ARHGEF38: variants seen among roughly 807,000 people sequenced by gnomAD.
ARHGEF38 encodes the protein Rho guanine nucleotide exchange factor 38, also known as Rho guanine nucleotide exchange factor (GEF) 38.
In ARHGEF38, 79 loss-of-function variants were observed where a neutral mutation model predicts 79.9. The observed-to-expected ratio is 0.99, with a 90% confidence interval of 0.82 to 1.19. The LOEUF (loss-of-function observed/expected upper bound fraction) is 1.19, where lower values mean the gene tolerates loss of function less well. Among genes scored for constraint, ARHGEF38 ranks in the 50% most tolerant of loss-of-function variants. ARHGEF38 has a pLI of 0.00. For synonymous variants in ARHGEF38, 366 were observed against 328.3 expected (o/e 1.11, Z -1.24); for missense variants, 962 against 907.2 (o/e 1.06, Z -0.78).
rs568021001 is a variant in ARHGEF38, at chr4:105,562,948, G to A, written c.196+9987G>A. Reference sequence around the variant, plus strand: ...AACTCTGAGGGAAGTTCTGAAGACAGATGATTTTTTGGAGTTGTCTCCAGT... The same window carrying A: ...AACTCTGAGGGAAGTTCTGAAGACAAATGATTTTTTGGAGTTGTCTCCAGT... On this transcript the variant is annotated intron_variant, in intron 1 of 13. Coordinates refer to ENST00000420470, the MANE Select transcript of ARHGEF38 (RefSeq NM_001242729.2). Among the ~76,000 whole-genome samples the A allele has an allele frequency of 2.6e-5, 4 of 152,336 alleles. No homozygotes were observed. The East Asian group carries it at 5.8e-4, about 22-fold the overall frequency.
At chr4:105,659,033 G>T (rs912627423) in intron 9 of ARHGEF38, 21 bp from the exon 10 acceptor site, 88 of 1,517,778 alleles carry the variant, frequency 5.8e-5, no homozygotes, top group Non-Finnish European at 7.4e-5. Flanking sequence ...TCTGAAATGG[G>T]CTCATTTTTT....
chr4:105,565,525 T>C (rs1725844958), intron 1 of ARHGEF38, among the ~76,000 whole-genome samples: 1 of 151,326 alleles, frequency 6.6e-6, no homozygotes, highest in Admixed American at 6.6e-5. Flanking sequence ...TATCTGGGGG[T>C]TTCGTAATGA....
intron 2 of ARHGEF38, among the ~76,000 whole-genome samples, chr4:105,600,542 C>T (rs1175978961): frequency 6.6e-6 from 1 of 152,168 alleles, no homozygotes; most frequent in Admixed American, 6.5e-5. Context: ...TCTCTTTTGT[C>T]CACATTAGCT....
Position 105,658,953 on chromosome 4 carries a change from T to C in ARHGEF38, c.1234-101T>C. On this transcript the variant is annotated intron_variant, in intron 9 of 13. Transcript: ENST00000420470. ...GGGTAGGTGCTTTCCTGTTTTCTTT[T>C]GTGCTTCTCGTGGGGGAAAAGGTAA... 2.9e-6 allele frequency: 3 copies of C among 1,036,418 alleles called. No homozygotes were observed. The East Asian group carries it at 7.8e-5, about 27-fold the overall frequency. The allele number at this position is 1,036,418 out of a possible 1,614,324, so 64.2% of individuals were successfully genotyped here.
At chr4:105,653,989 G>A in intron 7 of ARHGEF38, 76 bp from the exon 8 acceptor site, 1 of 754,716 alleles carries the variant, frequency 1.3e-6, no homozygotes, top group Admixed American at 2.9e-5. Context: ...TAATGTGCTG[G>A]ACCAATATGG....
At chr4:105,644,613 G>A (rs561912640) in intron 5 of ARHGEF38, among the ~76,000 whole-genome samples, 3 of 152,332 alleles carry the variant, frequency 2.0e-5, no homozygotes, top group Non-Finnish European at 4.4e-5. Flanking sequence ...GCAATGATTA[G>A]TGATAGGGAT....
At chr4:105,665,080 C>T (rs995454859) in intron 10 of ARHGEF38, among the ~76,000 whole-genome samples, 2 of 152,060 alleles carry the variant, frequency 1.3e-5, no homozygotes, top group Non-Finnish European at 2.9e-5. Flanking sequence ...TCACTGCAGC[C>T]TCAACTTCCC....
At chr4:105,646,072 T>C (rs1035628648) in intron 6 of ARHGEF38, among the ~76,000 whole-genome samples, 1 of 152,208 alleles carries the variant, frequency 6.6e-6, no homozygotes, top group Non-Finnish European at 1.5e-5. Flanking sequence ...AAGTTCTTAG[T>C]TGGTGTTGTA....
intron 3 of ARHGEF38, among the ~76,000 whole-genome samples, chr4:105,618,549 AG>A (rs1728605251): frequency 6.6e-6 from 1 of 152,204 alleles, no homozygotes; most frequent in Non-Finnish European, 1.5e-5. Flanking sequence ...TGAACCCAGG[AG>A]GTAGAAGTTC....
chr4:105,589,696 G>A (rs1727232362), intron 2 of ARHGEF38, among the ~76,000 whole-genome samples: 1 of 152,118 alleles, frequency 6.6e-6, no homozygotes. Context: ...GTTATATGGT[G>A]TGAAGTATGG....
At chr4:105,571,335 T>C (rs1263379976) in intron 1 of ARHGEF38, among the ~76,000 whole-genome samples, 1 of 147,114 alleles carries the variant, frequency 6.8e-6, no homozygotes, top group South Asian at 2.2e-4. Flanking sequence ...TTTTTTTTTT[T>C]TTTTTGAGAC....
chr4:105,636,712 A>C (rs375780961), intron 5 of ARHGEF38, among the ~76,000 whole-genome samples: 1 of 152,128 alleles, frequency 6.6e-6, no homozygotes. Context: ...GGGAATCTTA[A>C]TGTGTCCAAA....
chr4:105,558,661 C>G (rs889921531), intron 1 of ARHGEF38, among the ~76,000 whole-genome samples: 4 of 151,988 alleles, frequency 2.6e-5, no homozygotes, highest in African/African-American at 4.8e-5. Context: ...TTAGAAGGAC[C>G]ATTTGTGTCA....
In ARHGEF38 at chr4:105,667,627, C is replaced by T. The variant is rs1427827357; in HGVS notation, c.2072C>T (p.Ser691Leu). 3 of 1,536,636 alleles carry T rather than the reference C, an allele frequency of 2.0e-6. No individual in the cohort carries two copies. In the East Asian group the frequency reaches 7.3e-5, roughly 38 times the overall value. ...GAAAGCAGCATTGGTGATAGCAGCT[C>T]ATCTCTTAGTGGCACATGTGGAAAG... is the stretch of plus-strand genomic sequence containing the variant. The part of the protein sequence containing the change: ...TSESSIGDSS[S>L]SLSGTCGKFE... The change falls in exon 13 of 14, where the codon TCA becomes TTA. Residue 691 changes from serine (S) to leucine (L), a missense_variant. Transcript: ENST00000420470.
intron 1 of ARHGEF38, 96 bp downstream of exon 1, chr4:105,553,057 A>G: frequency 1.1e-6 from 1 of 901,566 alleles, no homozygotes; most frequent in Non-Finnish European, 1.6e-6. Flanking sequence ...GGCAGAGGGG[A>G]AAATTGAATA....
chr4:105,599,308 T>C (rs1391410902), intron 2 of ARHGEF38, among the ~76,000 whole-genome samples: 2 of 152,176 alleles, frequency 1.3e-5, no homozygotes, highest in African/African-American at 2.4e-5. Flanking sequence ...CTCTCTAATT[T>C]TTATAATCTA....
intron 1 of ARHGEF38, among the ~76,000 whole-genome samples, chr4:105,573,625 T>C (rs1346358447): frequency 6.6e-6 from 1 of 152,194 alleles, no homozygotes. Context: ...TCCTGTAACT[T>C]TGTAGTAAGT....
chr4:105,668,565 A>T (rs1201024784), intron 13 of ARHGEF38, among the ~76,000 whole-genome samples: 1 of 152,156 alleles, frequency 6.6e-6, no homozygotes, highest in East Asian at 1.9e-4. Context: ...AGTGGTGACC[A>T]TCTAATTCCT....
At chr4:105,619,981 A>C (rs1003475401) in intron 3 of ARHGEF38, among the ~76,000 whole-genome samples, 5 of 152,216 alleles carry the variant, frequency 3.3e-5, no homozygotes, top group African/African-American at 4.8e-5. Flanking sequence ...TGCCAAAGGG[A>C]GAATTTTCCT....
Sources: gnomAD v4.1 joint callset for allele counts (sites outside exome capture counted in the v4.1 genomes callset) on GRCh38, gnomAD v4.1.1 for gene constraint, MANE v1.5 for transcripts, NCBI Gene and HGNC (gene_info 2026-07-23, HGNC 2026-07-21) for gene names.